The following PALM2AKAP2 variants were observed in gnomAD, a reference collection of about 807,000 sequenced individuals.
PALM2AKAP2 encodes the protein PALM2 and AKAP2 fusion.
Under a neutral mutation model 71.5 loss-of-function variants are expected in PALM2AKAP2, and 37 were observed. The ratio of observed to expected loss-of-function variants is 0.52; its 90% CI spans 0.40 to 0.68. The LOEUF is 0.68. PALM2AKAP2 is among the 30% of genes least tolerant of loss of function. The pLI is 0.00. For missense variants in PALM2AKAP2, 1,224 were observed against 1,191.8 expected (o/e 1.03, Z -0.40); for synonymous variants, 468 against 478.8 (o/e 0.98, Z 0.29).
chr9:110,166,863 C>T (rs1192624556), intron 3 of PALM2AKAP2, among the ~76,000 whole-genome samples: 2 of 152,200 alleles, frequency 1.3e-5, no homozygotes, highest in African/African-American at 4.8e-5. Flanking sequence ...CTCCTTGCTT[C>T]TCTGGAGTTG....
At chr9:109,822,694 A>G (rs1335032922) in intron 1 of PALM2AKAP2, among the ~76,000 whole-genome samples, 1 of 152,188 alleles carries the variant, frequency 6.6e-6, no homozygotes, top group Non-Finnish European at 1.5e-5. Context: ...TGTTGCTGCA[A>G]AGGACATGAT....
chr9:109,949,704 A>G (rs1283753914), intron 6 of PALM2AKAP2, among the ~76,000 whole-genome samples: 1 of 152,170 alleles, frequency 6.6e-6, no homozygotes, highest in African/African-American at 2.4e-5. Flanking sequence ...TGGAAGATTG[A>G]GCTTTCTATA....
intron 1 of PALM2AKAP2, among the ~76,000 whole-genome samples, chr9:109,817,542 T>C (rs1361564564): frequency 6.6e-6 from 1 of 152,200 alleles, no homozygotes; most frequent in East Asian, 1.9e-4. Context: ...CAGTCTAGGC[T>C]TGTGTAAATT....
exon 7 of PALM2AKAP2, chr9:110,015,971 G>A (rs201863735): frequency 6.2e-7 from 1 of 1,613,974 alleles, no homozygotes. Context: ...GTGGGAGAAT[G>A]TGCTGCTAAA....
intron 1 of PALM2AKAP2, among the ~76,000 whole-genome samples, chr9:109,675,879 C>A (rs1207349480): frequency 6.6e-6 from 1 of 152,076 alleles, no homozygotes; most frequent in East Asian, 1.9e-4. Context: ...GACTGTTTAC[C>A]TTTACCACAT....
intron 1 of PALM2AKAP2, among the ~76,000 whole-genome samples, chr9:109,787,153 G>C (rs1266347105): frequency 1.3e-5 from 2 of 152,164 alleles, no homozygotes; most frequent in Non-Finnish European, 2.9e-5. Context: ...GCAAGTCCTG[G>C]CCTTTCCGTT....
In PALM2AKAP2 at chr9:110,035,787, A is replaced by AT. The variant is rs1491452258; in HGVS notation, c.582+19748_582+19749insT. ...GTTGTATGTTATATGTAACATATAT[A>AT]GGATATGTTGTGTGTTATATGTAAC... On this transcript the variant is annotated intron_variant, in intron 7 of 9. Coordinates refer to the PALM2AKAP2 transcript ENST00000302798. 7.9e-5 allele frequency among the ~76,000 whole-genome samples: 6 copies of AT among 75,784 alleles called. 2 individuals carry two copies. The East Asian group carries it at 1.3e-3, about 17-fold the overall frequency. 49.7% of individuals were successfully genotyped at this position (75,784 alleles called of 152,430 possible).
chr9:109,812,352 G>GA (rs1827747224), intron 1 of PALM2AKAP2, among the ~76,000 whole-genome samples: 1 of 152,180 alleles, frequency 6.6e-6, no homozygotes, highest in African/African-American at 2.4e-5. Flanking sequence ...TGAGATTGGA[G>GA]AGGCAGCAGA....
At chr9:110,149,860 G>T (rs1836267545) in intron 2 of PALM2AKAP2, among the ~76,000 whole-genome samples, 4 of 152,168 alleles carry the variant, frequency 2.6e-5, no homozygotes, top group Admixed American at 2.6e-4. Context: ...CATCTGCTAT[G>T]GATGACTATC....
chr9:110,053,948 T>G (rs573770828), intron 1 of PALM2AKAP2, among the ~76,000 whole-genome samples: 1 of 152,212 alleles, frequency 6.6e-6, no homozygotes, highest in Non-Finnish European at 1.5e-5. Context: ...GATGCCTGAT[T>G]GGAGCAGATG....
chr9:109,869,831 C>T (rs868644279), intron 2 of PALM2AKAP2, among the ~76,000 whole-genome samples: 13 of 152,238 alleles, frequency 8.5e-5, no homozygotes, highest in South Asian at 4.1e-4. Context: ...TGAAGGAACA[C>T]CCAACACTCG....
intron 2 of PALM2AKAP2, among the ~76,000 whole-genome samples, chr9:110,149,056 G>A (rs1486510248): frequency 2.6e-5 from 4 of 152,228 alleles, no homozygotes; most frequent in Admixed American, 1.3e-4. Flanking sequence ...CGCCACAGAT[G>A]CCCAAGGGAA....
chr9:109,865,328 A>T (rs1470783101), intron 1 of PALM2AKAP2, among the ~76,000 whole-genome samples: 7 of 151,784 alleles, frequency 4.6e-5, no homozygotes, highest in African/African-American at 1.7e-4. Flanking sequence ...CAAACTCGTG[A>T]CCTCGGGTGA....
chr9:109,844,252 A>AT (rs1323441829), intron 1 of PALM2AKAP2, among the ~76,000 whole-genome samples: 1 of 152,204 alleles, frequency 6.6e-6, no homozygotes, highest in Non-Finnish European at 1.5e-5. Context: ...AGGTTAAGTA[A>AT]TTTTACTAGA....
intron 7 of PALM2AKAP2, among the ~76,000 whole-genome samples, chr9:110,017,733 T>C (rs1209536936): frequency 2.6e-5 from 4 of 151,584 alleles, no homozygotes; most frequent in East Asian, 1.9e-4. Context: ...ATATTCCTTT[T>C]TTTTTTTTTT....
chr9:109,920,936 C>T (rs976537767), intron 3 of PALM2AKAP2, among the ~76,000 whole-genome samples: 3 of 152,162 alleles, frequency 2.0e-5, no homozygotes, highest in African/African-American at 4.8e-5. Flanking sequence ...GTGACTGTCT[C>T]GTGTGTTGTT....
intron 1 of PALM2AKAP2, among the ~76,000 whole-genome samples, chr9:109,681,010 G>T (rs1056462065): frequency 6.6e-6 from 1 of 152,176 alleles, no homozygotes. Context: ...AAAATGGAAA[G>T]TCTTATTTTT....
intron 6 of PALM2AKAP2, among the ~76,000 whole-genome samples, chr9:109,974,869 T>C (rs1832142997): frequency 6.6e-6 from 1 of 152,156 alleles, no homozygotes; most frequent in South Asian, 2.1e-4. Context: ...TGCAGACTAT[T>C]CCTCTTGGGA....
At chr9:109,891,729 G>T (rs947114388) in intron 3 of PALM2AKAP2, among the ~76,000 whole-genome samples, 1 of 152,116 alleles carries the variant, frequency 6.6e-6, no homozygotes, top group African/African-American at 2.4e-5. Flanking sequence ...GACCTCAAGC[G>T]ATCTGCTCAC....
Sources: allele counts gnomAD v4.1 joint callset (sites outside exome capture counted in the v4.1 genomes callset), GRCh38; gene constraint gnomAD v4.1.1; transcripts MANE v1.5; gene names NCBI Gene and HGNC (gene_info 2026-07-23, HGNC 2026-07-21).